SMTN: variants seen among roughly 807,000 people sequenced by gnomAD.
The protein encoded by SMTN is smoothelin.
SMTN carries 58 observed loss-of-function variants against 102.0 expected under a neutral mutation model. The observed-to-expected ratio is 0.57, with a 90% CI of 0.46 to 0.71. The LOEUF is 0.71. SMTN is among the 30% of genes least tolerant of loss of function. The probability of loss-of-function intolerance (pLI) is 0.00; values close to 1 mark genes in which losing one functional copy is unlikely to be tolerated. For missense variants in SMTN, 1,185 were observed against 1,241.7 expected (o/e 0.95, Z 0.69); for synonymous variants, 478 against 497.9 (o/e 0.96, Z 0.53).
At chr22:31,100,850 T>TAACCCC in intron 19 of SMTN, 35 bp from the exon 20 acceptor site, 7 of 636,308 alleles carry the variant, frequency 1.1e-5, no homozygotes, top group Admixed American at 2.6e-5. Context: ...CCTGCCCCCG[T>TAACCCC]CCCCCACCCC....
intron 1 of SMTN, chr22:31,064,535 T>G (rs1021813843): frequency 2.6e-5 from 4 of 152,164 alleles, no homozygotes; most frequent in Non-Finnish European, 5.9e-5. Context: ...TCGCTCTCCC[T>G]CCCAGACTGG....
chr22:31,071,239 CAA>C (rs60870558), intron 1 of SMTN, among the ~76,000 whole-genome samples: 9,760 of 115,324 alleles, frequency 0.085, 1,036 homozygotes, highest in African/African-American at 0.26. Context: ...CACCCTGTCT[CAA>C]AAAAAAAAAA....
In SMTN at chr22:31,104,586, A is replaced by C; in HGVS notation, c.*291A>C. 1.1e-6 allele frequency: 1 copy of C among 944,084 alleles called. No homozygotes were observed. The highest frequency in any genetic ancestry group is 1.6e-6 in the Non-Finnish European group (1 of 611,910). 58.5% of individuals were successfully genotyped at this position (944,084 alleles called of 1,614,324 possible). On this transcript the variant is annotated 3_prime_UTR_variant, in exon 21 of 21. Transcript: ENST00000333137. The stretch of plus-strand genomic sequence containing the variant: ...TGTTGCGACACCCTCCCCCCCACAT[A>C]CACACGCAGCGTTTTGATAAATTAT...
At chr22:31,077,113 G>C (rs1012092383), upstream of SMTN, among the ~76,000 whole-genome samples, 2 of 152,172 alleles carry the variant, frequency 1.3e-5, no homozygotes, top group East Asian at 3.9e-4. Context: ...TGGTGATTAA[G>C]AACAAATGTT....
In SMTN at chr22:31,088,975, G is replaced by A. The variant is rs372857169; in HGVS notation, c.471+6G>A. The A allele has an allele frequency of 1.8e-5, 29 of 1,610,606 alleles. No individual in the cohort carries two copies. In the South Asian group the frequency reaches 2.9e-4, roughly 16 times the overall value. Reference sequence around the variant, plus strand: ...ACAGGCTGGAACAGTGTGAGGTAAGGAGGGTGGGAGAGTGGCCCAGTGTCC... The same window carrying A: ...ACAGGCTGGAACAGTGTGAGGTAAGAAGGGTGGGAGAGTGGCCCAGTGTCC... On this transcript the variant is annotated splice_donor_region_variant and intron_variant, in intron 6 of 20. Transcript: ENST00000333137.
rs774781407 is a variant in SMTN at position 31,097,010 on chromosome 22, G to T, written c.2039G>T (p.Arg680Leu). 1.2e-6 allele frequency: 2 copies of T among 1,614,126 alleles called. No individual in the cohort carries two copies. Among genetic ancestry groups the T allele is most frequent in the Non-Finnish European group, 1.7e-6 (2 of 1,180,026 alleles). ...ERLVHSNDGT[R>L]TARTTTVESS... Reference sequence around the variant, plus strand: ...CCTGCCCCTGCAGATGATGGCACACGGACGGCCCGCACCACCACAGTGGAG... The same window carrying T: ...CCTGCCCCTGCAGATGATGGCACACTGACGGCCCGCACCACCACAGTGGAG... Residue 680 changes from arginine (R) to leucine (L), a missense_variant, in exon 15 of 21, where the codon CGG (arginine) becomes CTG (leucine). Arg to Leu is a moderately radical substitution (Grantham distance 102, BLOSUM62 -2). Coordinates refer to ENST00000333137, the MANE Select transcript of SMTN (RefSeq NM_134269.3).
chr22:31,099,692 C>T (rs2043917500), intron 18 of SMTN, 53 bp from the exon 19 acceptor site: 20 of 1,594,568 alleles, frequency 1.3e-5, no homozygotes, highest in Non-Finnish European at 1.6e-5. Flanking sequence ...GAGGGGTAGA[C>T]AGCAGGGGGG....
intron 2 of SMTN, among the ~76,000 whole-genome samples, chr22:31,084,102 A>G (rs1456260635): frequency 6.6e-6 from 1 of 151,850 alleles, no homozygotes; most frequent in African/African-American, 2.4e-5. Flanking sequence ...AGATGAGCCC[A>G]CTCCATCCCC....
chr22:31,077,819 T>A (rs2042166442), upstream of SMTN, among the ~76,000 whole-genome samples: 1 of 152,232 alleles, frequency 6.6e-6, no homozygotes, highest in Admixed American at 6.5e-5. Flanking sequence ...AGCGGCTGGA[T>A]GACATCCTGG....
intron 18 of SMTN, 61 bp from the exon 19 acceptor site, chr22:31,099,684 G>A: frequency 6.3e-7 from 1 of 1,580,366 alleles, no homozygotes; most frequent in Admixed American, 1.7e-5. Context: ...AGAATGCTGA[G>A]GGGTAGACAG....
At chr22:31,069,387 A>G (rs532109275) in intron 1 of SMTN, among the ~76,000 whole-genome samples, 2 of 151,164 alleles carry the variant, frequency 1.3e-5, no homozygotes, top group Non-Finnish European at 3.0e-5. Flanking sequence ...CTGCCTCCCC[A>G]AAGGAACCCA....
At chr22:31,097,192 C>A in intron 15 of SMTN, 77 bp from the exon 16 acceptor site, 1 of 1,505,210 alleles carries the variant, frequency 6.6e-7, no homozygotes, top group South Asian at 1.1e-5. Flanking sequence ...TATCACCACC[C>A]CTCCATACAG....
At chr22:31,093,992 TG>T in intron 11 of SMTN, 1 of 736,642 alleles carries the variant, frequency 1.4e-6, no homozygotes, top group Non-Finnish European at 2.2e-6. Flanking sequence ...GACAGGGGAC[TG>T]GGGCACTAGT....
At chr22:31,100,139 C>A (rs1031875186) in intron 19 of SMTN, among the ~76,000 whole-genome samples, 5 of 152,036 alleles carry the variant, frequency 3.3e-5, no homozygotes, top group African/African-American at 4.8e-5. Context: ...CAAAGCCCAC[C>A]AGGTGGCCCT....
Position 31,088,755 on chromosome 22 carries a change from T to G in SMTN, c.351T>G (p.Arg117=). ...AGCTGATCCGAGCTGCCATCCGCCG[T>G]GTACGGGCTCAGGAGATTGAGGGTA... ...ERKLIRAAIR[R]VRAQEIEAAT... The change falls in exon 5 of 21, where the codon CGT becomes CGG. Residue 117 remains arginine (R), a synonymous_variant. Transcript: ENST00000333137. The G allele has an allele frequency of 6.2e-7, 1 of 1,613,174 alleles. No homozygotes were observed.
At chr22:31,085,857 C>T (rs1439314281) in intron 2 of SMTN, among the ~76,000 whole-genome samples, 1 of 152,202 alleles carries the variant, frequency 6.6e-6, no homozygotes, top group African/African-American at 2.4e-5. Flanking sequence ...TCCCATTTTC[C>T]AGATGGGGAC....
chr22:31,089,923 C>A lies in SMTN; in HGVS notation c.696C>A (p.Gly232=). Reference sequence around the variant, plus strand: ...AGTGCCTTACAGCTGAGGTTCCAGGCAGCCCAGAGCCACCCCCCAGCCCAC... The same window carrying A: ...AGTGCCTTACAGCTGAGGTTCCAGGAAGCCCAGAGCCACCCCCCAGCCCAC... ...EAQCLTAEVP[G]SPEPPPSPPK... The change falls in exon 7 of 21, where the codon GGC becomes GGA. Residue 232 remains glycine, a synonymous_variant. Transcript: ENST00000333137. 1 of 1,607,158 alleles carries A rather than the reference C, an allele frequency of 6.2e-7. No homozygotes were observed.
At chr22:31,074,901 C>T (rs1016556947) in intron 1 of SMTN, among the ~76,000 whole-genome samples, 1 of 152,136 alleles carries the variant, frequency 6.6e-6, no homozygotes, top group Non-Finnish European at 1.5e-5. Context: ...GGGAATGCAC[C>T]GTGGAAACGT....
chr22:31,076,928 C>G (rs1040390166), upstream of SMTN, among the ~76,000 whole-genome samples: 2 of 152,162 alleles, frequency 1.3e-5, no homozygotes, highest in African/African-American at 4.8e-5. Context: ...CTCTGCCAGT[C>G]CAGAGCTGAA....
Sources: allele counts gnomAD v4.1 joint callset (sites outside exome capture counted in the v4.1 genomes callset), GRCh38; gene constraint gnomAD v4.1.1; transcripts MANE v1.5; gene names NCBI Gene and HGNC (gene_info 2026-07-23, HGNC 2026-07-21).